Variants in JARID2 observed in about 807,000 individuals in gnomAD.
JARID2 encodes the protein jumonji and AT-rich interaction domain containing 2.
JARID2 carries 21 observed loss-of-function variants against 125.6 expected under a neutral mutation model. The ratio of observed to expected loss-of-function variants is 0.17; its 90% CI spans 0.12 to 0.24. The LOEUF (loss-of-function observed/expected upper bound fraction) is 0.24, where lower values mean the gene tolerates loss of function less well. Among genes scored for constraint, JARID2 ranks in the 10% least tolerant of loss-of-function variants. JARID2 has a pLI of 1.00. For synonymous variants in JARID2, 736 were observed against 661.6 expected, an observed-to-expected ratio of 1.11 and a Z score of -1.73; for missense variants, 1,303 against 1,639.6, an observed-to-expected ratio of 0.79 and a Z score of 3.55.
chr6:15,374,268 G>A lies in JARID2; in HGVS notation c.181+16G>A. The stretch of plus-strand genomic sequence containing the variant: ...ACTGTGAATGGTGAGTTGACTCTTG[G>A]AATATCTCATTGGAATGTACAATAT... On this transcript the variant is annotated intron_variant, in intron 2 of 17. Coordinates refer to ENST00000341776, the MANE Select transcript of JARID2 (RefSeq NM_004973.4). 1 of 1,613,026 alleles carries A rather than the reference G, an allele frequency of 6.2e-7. No individual in the cohort carries two copies. The highest frequency in any genetic ancestry group is 2.2e-5 in the East Asian group (1 of 44,872).
At chr6:15,491,019 T>C (rs1216677859) in intron 6 of JARID2, among the ~76,000 whole-genome samples, 2 of 152,232 alleles carry the variant, frequency 1.3e-5, no homozygotes. Context: ...GAAGAGGTTT[T>C]CATATGAAAA....
chr6:15,453,928 C>G (rs758646881), intron 4 of JARID2, among the ~76,000 whole-genome samples: 2 of 152,136 alleles, frequency 1.3e-5, no homozygotes, highest in African/African-American at 2.4e-5. Flanking sequence ...GATCTGGGCA[C>G]TAGGGATGCT....
chr6:15,276,334 C>A (rs1051624500), intron 1 of JARID2, among the ~76,000 whole-genome samples: 3 of 152,168 alleles, frequency 2.0e-5, no homozygotes, highest in African/African-American at 7.2e-5. Flanking sequence ...TTCTACATGG[C>A]GTGGGAGACA....
chr6:15,349,424 CG>C (rs1423593828), intron 1 of JARID2, among the ~76,000 whole-genome samples: 1 of 152,102 alleles, frequency 6.6e-6, no homozygotes, highest in Non-Finnish European at 1.5e-5. Context: ...ATGACTTGGA[CG>C]TTTTCAGAAG....
intron 5 of JARID2, among the ~76,000 whole-genome samples, chr6:15,481,835 C>T (rs1212633609): frequency 6.6e-6 from 1 of 152,194 alleles, no homozygotes; most frequent in African/African-American, 2.4e-5. Flanking sequence ...CCAGATATCT[C>T]ATCAAAATAT....
chr6:15,481,177 C>T (rs1470710426), intron 5 of JARID2, among the ~76,000 whole-genome samples: 1 of 152,176 alleles, frequency 6.6e-6, no homozygotes, highest in East Asian at 1.9e-4. Context: ...TTTTGCCTGC[C>T]GTGGTGTGAA....
At chr6:15,388,706 T>C (rs1764884881) in intron 2 of JARID2, among the ~76,000 whole-genome samples, 1 of 151,994 alleles carries the variant, frequency 6.6e-6, no homozygotes, top group African/African-American at 2.4e-5. Flanking sequence ...AGGCCAAACC[T>C]GTACCCTGCC....
intron 2 of JARID2, among the ~76,000 whole-genome samples, chr6:15,400,428 T>C (rs1765379841): frequency 2.6e-5 from 4 of 151,690 alleles, no homozygotes; most frequent in Admixed American, 2.6e-4. Context: ...GATTATGATA[T>C]TAAAAAGGGA....
intron 2 of JARID2, among the ~76,000 whole-genome samples, chr6:15,384,517 G>C (rs543329644): frequency 6.6e-6 from 1 of 151,738 alleles, no homozygotes; most frequent in South Asian, 2.1e-4. Context: ...TAGTTTTGGT[G>C]GCCAAAACCT....
intron 1 of JARID2, among the ~76,000 whole-genome samples, chr6:15,343,586 TGTG>T (rs1310429417): frequency 1.3e-5 from 2 of 152,148 alleles, no homozygotes; most frequent in Non-Finnish European, 2.9e-5. Context: ...CTCTGCTAAG[TGTG>T]GTTCCATTTT....
At chr6:15,286,981 G>A (rs1407804464) in intron 1 of JARID2, among the ~76,000 whole-genome samples, 1 of 152,072 alleles carries the variant, frequency 6.6e-6, no homozygotes, top group African/African-American at 2.4e-5. Context: ...TGGCTGTGGT[G>A]GCAGGCGCCT....
intron 6 of JARID2, among the ~76,000 whole-genome samples, chr6:15,494,865 C>T (rs2127730932): frequency 6.6e-6 from 1 of 152,334 alleles, no homozygotes; most frequent in Middle Eastern, 3.4e-3. Context: ...CCCTCTGGGC[C>T]ATCACTGCAT....
chr6:15,497,554 G>T (rs964681270), intron 7 of JARID2, among the ~76,000 whole-genome samples: 1 of 151,884 alleles, frequency 6.6e-6, no homozygotes, highest in African/African-American at 2.4e-5. Flanking sequence ...GAGAGGCTGA[G>T]GCAGGAGAAT....
chr6:15,246,313 T>G lies in JARID2; in HGVS notation c.-227T>G. 1 of 567,442 alleles carries G rather than the reference T, an allele frequency of 1.8e-6. No homozygotes were observed. The highest frequency in any genetic ancestry group is 2.2e-5 in the South Asian group (1 of 44,720). 35.2% of individuals were successfully genotyped at this position (567,442 alleles called of 1,614,324 possible). A position where few individuals can be genotyped will look rare whatever the true frequency, so the allele number is the denominator to read the frequency against. ...TTATGAGTGTTTTACTAAAGTGAAT[T>G]TTTTTTTGTTTGCTTCGTTCGTCTT... On this transcript the variant is annotated 5_prime_UTR_variant, in exon 1 of 18. It adds an upstream start codon to the 5' untranslated region. Transcript: ENST00000341776.
intron 1 of JARID2, among the ~76,000 whole-genome samples, chr6:15,372,899 G>C (rs10807584): frequency 0.4 from 60,259 of 151,632 alleles, 12,237 homozygotes; most frequent in African/African-American, 0.47. Flanking sequence ...AGTAGAGATG[G>C]GATTTCACCA....
At chr6:15,329,989 G>T (rs1165559120) in intron 1 of JARID2, among the ~76,000 whole-genome samples, 1 of 152,108 alleles carries the variant, frequency 6.6e-6, no homozygotes, top group Non-Finnish European at 1.5e-5. Context: ...CTGGGTTTCT[G>T]GGTTTTTACT....
Position 15,511,927 on chromosome 6 carries a change from T to G in JARID2, c.2953-281T>G, listed in dbSNP as rs538562027. On this transcript the variant is annotated intron_variant, in intron 13 of 17. Coordinates refer to ENST00000341776, the MANE Select transcript of JARID2 (RefSeq NM_004973.4). ...GAGATGAGCCCGGCAGCCTCCTGGT[T>G]GTGTAACCTTGTCCTGTTTCCAGCC... Among the ~76,000 whole-genome samples the G allele has an allele frequency of 1.7e-4, 26 of 152,302 alleles. No homozygotes were observed. In the East Asian group the frequency reaches 3.9e-3, roughly 23 times the overall value.
In JARID2 at chr6:15,493,873, AC is replaced by A. The variant is rs199688923; in HGVS notation, c.907-2255del. ...CCACGGAATATTTCTGTTTGTCCTTACCCCTGGTTTTATAAATCTGTTTTAA... is the reference window on the plus strand; with the variant it reads ...CCACGGAATATTTCTGTTTGTCCTTACCCTGGTTTTATAAATCTGTTTTAA... On this transcript the variant is annotated intron_variant, in intron 6 of 17. Transcript: ENST00000341776. 7.2e-3 allele frequency among the ~76,000 whole-genome samples: 1,100 copies of A among 152,112 alleles called. 16 individuals carry two copies. Among genetic ancestry groups the A allele is most frequent in the African/African-American group, 0.025 (1,030 of 41,428 alleles).
At chr6:15,512,873 G>C (rs746315879) in intron 14 of JARID2, 42 bp from the exon 15 acceptor site, 1 of 1,596,758 alleles carries the variant, frequency 6.3e-7, no homozygotes, top group Non-Finnish European at 8.5e-7. Flanking sequence ...CAGCTGCCTA[G>C]TAATGAAAAT....
Sources: gnomAD v4.1 joint callset for allele counts (sites outside exome capture counted in the v4.1 genomes callset) on GRCh38, gnomAD v4.1.1 for gene constraint, MANE v1.5 for transcripts, NCBI Gene and HGNC (gene_info 2026-07-23, HGNC 2026-07-21) for gene names.